The following PRPSAP2 variants were observed in gnomAD, a reference collection of about 807,000 sequenced individuals.
PRPSAP2 encodes the protein phosphoribosyl pyrophosphate synthetase associated protein 2.
Under a neutral mutation model 40.6 loss-of-function variants are expected in PRPSAP2, and 24 were observed. The observed-to-expected ratio is 0.59, with a 90% CI of 0.43 to 0.83. PRPSAP2 has a LOEUF of 0.83. Among genes scored for constraint, PRPSAP2 ranks in the 40% least tolerant of loss-of-function variants. PRPSAP2 has a pLI of 0.00. For synonymous variants in PRPSAP2, 149 were observed against 164.7 expected (o/e 0.90, Z 0.73); for missense variants, 292 against 465.6 (o/e 0.63, Z 3.43).
chr17:18,862,456 A>G (rs1004833563), intron 1 of PRPSAP2, among the ~76,000 whole-genome samples: 1 of 110,130 alleles, frequency 9.1e-6, no homozygotes, highest in African/African-American at 3.5e-5. Flanking sequence ...GGGTGTAAAA[A>G]AAATGCCCCT....
chr17:18,926,773 T>C (rs898392881), intron 10 of PRPSAP2, among the ~76,000 whole-genome samples: 1 of 125,940 alleles, frequency 7.9e-6, no homozygotes, highest in Non-Finnish European at 1.8e-5. Context: ...ATGTAGTGAG[T>C]GTGAGTGTGT....
intron 8 of PRPSAP2, among the ~76,000 whole-genome samples, chr17:18,901,788 T>C (rs995121869): frequency 1.8e-4 from 27 of 151,890 alleles, no homozygotes; most frequent in African/African-American, 6.0e-4. Flanking sequence ...GTTTTGATAC[T>C]TTTTTTTCCT....
chr17:18,874,405 G>A (rs577911923), intron 5 of PRPSAP2, among the ~76,000 whole-genome samples: 64 of 152,270 alleles, frequency 4.2e-4, no homozygotes, highest in Non-Finnish European at 7.6e-4. Flanking sequence ...ACCAACGAAA[G>A]GGAAAAAGAA....
chr17:18,872,680 G>C, intron 5 of PRPSAP2, 31 bp downstream of exon 5: 1 of 1,536,678 alleles, frequency 6.5e-7, no homozygotes, highest in Non-Finnish European at 9.0e-7. Context: ...TTGCTTTCTG[G>C]GTTTCAGTTT....
intron 5 of PRPSAP2, among the ~76,000 whole-genome samples, chr17:18,877,386 A>C (rs2151902595): frequency 6.6e-6 from 1 of 152,164 alleles, no homozygotes; most frequent in South Asian, 2.1e-4. Context: ...GGAGGGATTA[A>C]TTTTAGGGCC....
chr17:18,910,843 A>C (rs1244095937), intron 8 of PRPSAP2, among the ~76,000 whole-genome samples: 1 of 152,164 alleles, frequency 6.6e-6, no homozygotes, highest in African/African-American at 2.4e-5. Flanking sequence ...TCACTCAGTC[A>C]GGCTCTCCCG....
In PRPSAP2 at chr17:18,907,630, C is replaced by A. The variant is rs370560176; in HGVS notation, c.585-3473C>A. Among the ~76,000 whole-genome samples the A allele has an allele frequency of 3.9e-4, 59 of 152,190 alleles. 1 individual carries two copies. Among genetic ancestry groups the A allele is most frequent in the African/African-American group, 1.3e-3 (55 of 41,530 alleles). The stretch of plus-strand genomic sequence containing the variant: ...TATAAACACAAAGATAGATCATATT[C>A]TTGTGAGCCATAAAATAAGCCCCAA... On this transcript the variant is annotated intron_variant, in intron 8 of 11. Coordinates refer to ENST00000268835, the MANE Select transcript of PRPSAP2 (RefSeq NM_002767.4).
At chr17:18,913,206 C>G (rs2041068882) in intron 9 of PRPSAP2, among the ~76,000 whole-genome samples, 1 of 152,180 alleles carries the variant, frequency 6.6e-6, no homozygotes, top group Non-Finnish European at 1.5e-5. Flanking sequence ...TGCTTGGGCC[C>G]TGGCACTCTT....
At chr17:18,891,788 T>A (rs894153906) in intron 8 of PRPSAP2, among the ~76,000 whole-genome samples, 3 of 152,216 alleles carry the variant, frequency 2.0e-5, no homozygotes, top group African/African-American at 7.2e-5. Flanking sequence ...GCCCTCTGTG[T>A]CTGGTTTCTT....
Position 18,930,817 on chromosome 17 carries a change from C to G in PRPSAP2, c.*119C>G. The G allele has an allele frequency of 1.1e-6, 1 of 920,070 alleles. No individual in the cohort carries two copies. Among genetic ancestry groups the G allele is most frequent in the Non-Finnish European group, 1.5e-6 (1 of 666,870 alleles). 57.0% of individuals were successfully genotyped at this position (920,070 alleles called of 1,614,324 possible). Reference sequence around the variant, plus strand: ...CTCCCTCTCCCCTGTAACCTCACTTCTTATTGATTCCTAAGAAGATAGACC... The same window carrying G: ...CTCCCTCTCCCCTGTAACCTCACTTGTTATTGATTCCTAAGAAGATAGACC... On this transcript the variant is annotated 3_prime_UTR_variant, in exon 12 of 12. Coordinates refer to ENST00000268835, the MANE Select transcript of PRPSAP2 (RefSeq NM_002767.4).
At chr17:18,910,091 C>T (rs1431656197) in intron 8 of PRPSAP2, among the ~76,000 whole-genome samples, 1 of 151,996 alleles carries the variant, frequency 6.6e-6, no homozygotes, top group Non-Finnish European at 1.5e-5. Context: ...TATGTTATTC[C>T]ATGGATGAAT....
rs983084984 is a variant in PRPSAP2, at chr17:18,923,981, C to T, written c.801C>T (p.Ile267=). ...ATGTTGGAGGAAGGATTGCCATCAT[C>T]GTGGTATGTAGACCTCTTTTATTAT... The part of the protein sequence containing the change: ...VGDVGGRIAI[I]VDDIIDDVDS... Residue 267 remains isoleucine, a synonymous_variant, in exon 10 of 12, where the codon ATC becomes ATT. Coordinates refer to ENST00000268835, the MANE Select transcript of PRPSAP2 (RefSeq NM_002767.4). The T allele has an allele frequency of 2.5e-6, 4 of 1,611,578 alleles. No homozygotes were observed. Among genetic ancestry groups the T allele is most frequent in the Non-Finnish European group, 3.4e-6 (4 of 1,177,844 alleles).
chr17:18,868,011 T>C (rs1397283467), intron 4 of PRPSAP2, among the ~76,000 whole-genome samples: 1 of 151,448 alleles, frequency 6.6e-6, no homozygotes, highest in Non-Finnish European at 1.5e-5. Flanking sequence ...TGGTTTGCAC[T>C]TGTAGTCCCA....
Position 18,872,616 on chromosome 17 carries a change from GA to G in PRPSAP2, c.210del (p.Asp71MetfsTer12). ...GTACAAATTCAAGAGTCTGTGAGGGGAAAAGATGTTTTCATCATCCAAACTG... is the reference window on the plus strand; with the variant it reads ...GTACAAATTCAAGAGTCTGTGAGGGGAAAGATGTTTTCATCATCCAAACTG... ...TRVQIQESVRGKDVFIIQTVS... is the reference protein window; with the variant it reads ...TRVQIQESVRXKDVFIIQTVS... On this transcript the variant is annotated frameshift_variant, in exon 5 of 12. Coordinates refer to ENST00000268835, the MANE Select transcript of PRPSAP2 (RefSeq NM_002767.4). LOFTEE classifies it high-confidence loss of function. 6.3e-7 allele frequency: 1 copy of G among 1,598,308 alleles called. No homozygotes were observed. The highest frequency in any genetic ancestry group is 8.6e-7 in the Non-Finnish European group (1 of 1,166,004).
chr17:18,923,828 T>C, intron 9 of PRPSAP2, 86 bp from the exon 10 acceptor site: 1 of 1,239,964 alleles, frequency 8.1e-7, no homozygotes, highest in Non-Finnish European at 1.1e-6. Flanking sequence ...TGGTTGAATG[T>C]TTTTATCTTG....
At chr17:18,912,332 G>C (rs996484064) in intron 9 of PRPSAP2, among the ~76,000 whole-genome samples, 1 of 152,088 alleles carries the variant, frequency 6.6e-6, no homozygotes, top group Non-Finnish European at 1.5e-5. Context: ...GACCCCCTTC[G>C]TAGAGCAGAG....
At chr17:18,877,902 G>T in intron 6 of PRPSAP2, 32 bp downstream of exon 6, 3 of 1,552,304 alleles carry the variant, frequency 1.9e-6, no homozygotes, top group Non-Finnish European at 2.6e-6. Flanking sequence ...CAATTAATTG[G>T]GGGCCTGGGA....
At chr17:18,866,111 A>G (rs1174502336) in intron 3 of PRPSAP2, among the ~76,000 whole-genome samples, 159 bp downstream of exon 3, 2 of 151,996 alleles carry the variant, frequency 1.3e-5, no homozygotes, top group Non-Finnish European at 2.9e-5. Flanking sequence ...TCATCATGCA[A>G]GATGTTCATG....
At chr17:18,857,299 C>A (rs72840597), upstream of PRPSAP2, among the ~76,000 whole-genome samples, 11,796 of 152,046 alleles carry the variant, frequency 0.078, 547 homozygotes, top group Middle Eastern at 0.14. Context: ...CGCGCCGATG[C>A]ACTCTAGCCT....
Sources: allele counts gnomAD v4.1 joint callset (sites outside exome capture counted in the v4.1 genomes callset), GRCh38; gene constraint gnomAD v4.1.1; transcripts MANE v1.5; gene names NCBI Gene and HGNC (gene_info 2026-07-23, HGNC 2026-07-21).